Variants in PPIB observed in about 807,000 individuals in gnomAD.
PPIB encodes the protein peptidyl-prolyl cis-trans isomerase B.
Under a neutral mutation model 20.1 loss-of-function variants are expected in PPIB, and 15 were observed. The ratio of observed to expected loss-of-function variants is 0.75; its 90% CI spans 0.50 to 1.15. The LOEUF (loss-of-function observed/expected upper bound fraction) is 1.15, where lower values mean the gene tolerates loss of function less well. PPIB is among the 50% of genes most tolerant of loss of function. PPIB has a pLI of 0.00. For synonymous variants in PPIB, 129 were observed against 111.0 expected, an observed-to-expected ratio of 1.16 and a Z score of -1.02; for missense variants, 278 against 283.0, an observed-to-expected ratio of 0.98 and a Z score of 0.13.
At position 64,157,630 on chromosome 15, in the gene PPIB, C is replaced by T. The variant is rs1374742815; in HGVS notation, c.344-721G>A. The T allele has an allele frequency of 6.6e-6, 1 of 152,532 alleles. No homozygotes were observed. The highest frequency in any genetic ancestry group is 1.9e-4 in the East Asian group (1 of 5,188). 9.4% of individuals were successfully genotyped at this position (152,532 alleles called of 1,614,324 possible). A position where few individuals can be genotyped will look rare whatever the true frequency, so the allele number is the denominator to read the frequency against. ...TTCCCTATCACCCCTTGGAGACTGA[C>T]ACTGTGCATGAGGCCCCAAGAAACT... is the stretch of plus-strand genomic sequence containing the variant. On this transcript the variant is annotated intron_variant, in intron 3 of 4. Coordinates refer to ENST00000300026, the MANE Select transcript of PPIB (RefSeq NM_000942.5). This position sits in a 1 kb window ranked among gnomAD's most constrained non-coding sequence, Gnocchi z 4.2.
chr15:64,162,267 A>G (rs1596031498), intron 1 of PPIB, 113 bp from the exon 2 acceptor site: 1 of 812,700 alleles, frequency 1.2e-6, no homozygotes, highest in Non-Finnish European at 2.2e-6. Flanking sequence ...ATATTTTTAG[A>G]GAAGTGGTTC....
chr15:64,161,179 C>T lies in PPIB; in HGVS notation c.249+862G>A, dbSNP rs916315879. Among the ~76,000 whole-genome samples, 1 of 151,858 alleles carries T rather than the reference C, an allele frequency of 6.6e-6. No individual in the cohort carries two copies. Among genetic ancestry groups the T allele is most frequent in the Non-Finnish European group, 1.5e-5 (1 of 67,968 alleles). ...ATTTCGCCATGTTGGCCAGGCTGGT[C>T]TCGAACTCCTGACCTCAGGTGATCT... On this transcript the variant is annotated intron_variant, in intron 2 of 4. Coordinates refer to ENST00000300026, the MANE Select transcript of PPIB (RefSeq NM_000942.5). The surrounding 1 kb of genome is among the most constrained non-coding windows in gnomAD (Gnocchi z 4.2).
intron 1 of PPIB, among the ~76,000 whole-genome samples, chr15:64,162,651 A>T (rs2081569294): frequency 6.6e-6 from 1 of 152,066 alleles, no homozygotes; most frequent in Non-Finnish European, 1.5e-5. Flanking sequence ...GTATCCGGGG[A>T]TCCAACTAAC....
In PPIB at chr15:64,160,674, T is replaced by C. The variant is rs535043717; in HGVS notation, c.250-477A>G. On this transcript the variant is annotated intron_variant, in intron 2 of 4. Coordinates refer to ENST00000300026, the MANE Select transcript of PPIB (RefSeq NM_000942.5). The surrounding 1 kb of genome is among the most constrained non-coding windows in gnomAD (Gnocchi z 4.8). ...TATTATTATTTTTTTGAGACAGAGT[T>C]TCTCTCTTGTCACCCAGGCTGGAGT... Among the ~76,000 whole-genome samples the C allele has an allele frequency of 9.8e-5, 15 of 152,338 alleles. No homozygotes were observed. The highest frequency in any genetic ancestry group is 3.6e-4 in the African/African-American group (15 of 41,582).
At position 64,160,243 on chromosome 15, in the gene PPIB, G is replaced by C; in HGVS notation, c.250-46C>G. The C allele has an allele frequency of 6.8e-7, 1 of 1,479,952 alleles. No homozygotes were observed. The highest frequency in any genetic ancestry group is 9.5e-7 in the Non-Finnish European group (1 of 1,058,058). The allele number at this position is 1,479,952 out of a possible 1,614,324, so 91.7% of individuals were successfully genotyped here. Reference sequence around the variant, plus strand: ...GTAAGGAGGTGGTATGGGGCAGCAGGAAGACATTACATTAAATAGGCCTCA... The same window carrying C: ...GTAAGGAGGTGGTATGGGGCAGCAGCAAGACATTACATTAAATAGGCCTCA... On this transcript the variant is annotated intron_variant, in intron 2 of 4. Coordinates refer to ENST00000300026, the MANE Select transcript of PPIB (RefSeq NM_000942.5). The surrounding 1 kb of genome is among the most constrained non-coding windows in gnomAD (Gnocchi z 4.8).
rs199971446 is a variant in PPIB, at chr15:64,160,109, G to A, written c.338C>T (p.Thr113Ile). Reference protein sequence around the residue: ...QGGDFTRGDGTGGKSIYGERF... With the variant: ...QGGDFTRGDGIGGKSIYGERF... ...CCCAGAGGACCTGTGGTTACCTCCTGTGCCATCTCCCCTGGTGAAGTCTCC... is the reference window on the plus strand; with the variant it reads ...CCCAGAGGACCTGTGGTTACCTCCTATGCCATCTCCCCTGGTGAAGTCTCC... The change falls in exon 3 of 5, where the codon ACA becomes ATA. Residue 113 changes from threonine (T) to isoleucine (I), a missense_variant. Transcript: ENST00000300026. The surrounding 1 kb of genome is among the most constrained non-coding windows in gnomAD (Gnocchi z 4.8). 90 of 1,611,548 alleles carry A rather than the reference G, an allele frequency of 5.6e-5. No homozygotes were observed. The highest frequency in any genetic ancestry group is 7.6e-5 in the Non-Finnish European group (89 of 1,177,704).
chr15:64,156,648 T>G lies in PPIB; in HGVS notation c.528+77A>C. ...TCCTTTTGGGAAAGGGATGGACACATGGAGCTCCTGCCCTGGGGTCTGTGT... is the reference window on the plus strand; with the variant it reads ...TCCTTTTGGGAAAGGGATGGACACAGGGAGCTCCTGCCCTGGGGTCTGTGT... On this transcript the variant is annotated intron_variant, in intron 4 of 4. Coordinates refer to ENST00000300026, the MANE Select transcript of PPIB (RefSeq NM_000942.5). The surrounding 1 kb of genome is among the most constrained non-coding windows in gnomAD (Gnocchi z 6.4). The G allele has an allele frequency of 1.3e-6, 2 of 1,558,470 alleles. No homozygotes were observed. The highest frequency in any genetic ancestry group is 1.8e-6 in the Non-Finnish European group (2 of 1,129,716).
chr15:64,159,956 G>T lies in PPIB; in HGVS notation c.343+148C>A. 1.4e-6 allele frequency: 1 copy of T among 729,892 alleles called. No individual in the cohort carries two copies. The highest frequency in any genetic ancestry group is 2.7e-5 in the East Asian group (1 of 37,372). The allele number at this position is 729,892 out of a possible 1,614,324, so 45.2% of individuals were successfully genotyped here. A position where few individuals can be genotyped will look rare whatever the true frequency, so the allele number is the denominator to read the frequency against. ...TACTGGGTTCCCTCTTCAAAGAAGG[G>T]TGCCGCTGGTCTCAAAGTAGGTAAG... On this transcript the variant is annotated intron_variant, in intron 3 of 4. Coordinates refer to ENST00000300026, the MANE Select transcript of PPIB (RefSeq NM_000942.5). The surrounding 1 kb of genome is among the most constrained non-coding windows in gnomAD (Gnocchi z 5.1).
rs1291378444 is a variant in PPIB at position 64,161,003 on chromosome 15, C to CA, written c.250-807dup. 6.6e-6 allele frequency among the ~76,000 whole-genome samples: 1 copy of CA among 151,686 alleles called. No individual in the cohort carries two copies. The highest frequency in any genetic ancestry group is 2.4e-5 in the African/African-American group (1 of 41,238). On this transcript the variant is annotated intron_variant, in intron 2 of 4. Transcript: ENST00000300026. This position sits in a 1 kb window ranked among gnomAD's most constrained non-coding sequence, Gnocchi z 4.2. ...GAGATGGAGTTTCCCTCTTGTTGCC[C>CA]AGGCTAGAGTGCAGTGGGGCAATCT...
Position 64,160,008 on chromosome 15 carries a change from G to T in PPIB, c.343+96C>A. The T allele has an allele frequency of 1.9e-6, 2 of 1,079,898 alleles. No homozygotes were observed. The highest frequency in any genetic ancestry group is 2.9e-6 in the Non-Finnish European group (2 of 697,244). The allele number at this position is 1,079,898 out of a possible 1,614,324, so 66.9% of individuals were successfully genotyped here. A position where few individuals can be genotyped will look rare whatever the true frequency, so the allele number is the denominator to read the frequency against. On this transcript the variant is annotated intron_variant, in intron 3 of 4. Coordinates refer to ENST00000300026, the MANE Select transcript of PPIB (RefSeq NM_000942.5). This position sits in a 1 kb window ranked among gnomAD's most constrained non-coding sequence, Gnocchi z 4.8. ...AATAAGTAGGCCTGCCTCTAGAGCT[G>T]GGGAAGAAAGAGGCCTGGTCTCCCC... is the stretch of plus-strand genomic sequence containing the variant.
chr15:64,155,993 C>T lies in PPIB; in HGVS notation c.*30G>A, dbSNP rs771559275. On this transcript the variant is annotated 3_prime_UTR_variant, in exon 5 of 5. Coordinates refer to ENST00000300026, the MANE Select transcript of PPIB (RefSeq NM_000942.5). ...TGGCGGACTACAGGGCCTGCACAGA[C>T]GGTCACTCAAAGAAAGATGTCCCTG... The T allele has an allele frequency of 9.3e-6, 15 of 1,613,912 alleles. 1 individual carries two copies. Among genetic ancestry groups the T allele is most frequent in the African/African-American group, 1.3e-5 (1 of 74,924 alleles).
rs1293075535 is a variant in PPIB, at chr15:64,156,363, C to T, written c.529-218G>A. 4 of 684,786 alleles carry T rather than the reference C, an allele frequency of 5.8e-6. No homozygotes were observed. Among genetic ancestry groups the T allele is most frequent in the Non-Finnish European group, 7.6e-6 (3 of 394,372 alleles). 42.4% of individuals were successfully genotyped at this position (684,786 alleles called of 1,614,324 possible). A position where few individuals can be genotyped will look rare whatever the true frequency, so the allele number is the denominator to read the frequency against. Reference sequence around the variant, plus strand: ...GAATTTTGTTCCTTTGAAGTAAGACCCAGGTTGGGCCAAGGGTGAGGAGGA... The same window carrying T: ...GAATTTTGTTCCTTTGAAGTAAGACTCAGGTTGGGCCAAGGGTGAGGAGGA... On this transcript the variant is annotated intron_variant, in intron 4 of 4. Coordinates refer to ENST00000300026, the MANE Select transcript of PPIB (RefSeq NM_000942.5). This position sits in a 1 kb window ranked among gnomAD's most constrained non-coding sequence, Gnocchi z 6.4.
At chr15:64,162,399 A>C (rs112549894) in intron 1 of PPIB, among the ~76,000 whole-genome samples, 1 of 152,228 alleles carries the variant, frequency 6.6e-6, no homozygotes, top group African/African-American at 2.4e-5. Flanking sequence ...TATTTGCTCT[A>C]AACAGCTAAT....
rs1596031264 is a variant in PPIB at position 64,161,949 on chromosome 15, C to G, written c.249+92G>C. On this transcript the variant is annotated intron_variant, in intron 2 of 4. Coordinates refer to ENST00000300026, the MANE Select transcript of PPIB (RefSeq NM_000942.5). This position sits in a 1 kb window ranked among gnomAD's most constrained non-coding sequence, Gnocchi z 4.2. ...TCGGTGCTCAGTGAGGTCCACGCTA[C>G]AGATCGGCTGAACTCTGCAGGTCAG... 2 of 911,328 alleles carry G rather than the reference C, an allele frequency of 2.2e-6. No homozygotes were observed. Among genetic ancestry groups the G allele is most frequent in the Non-Finnish European group, 1.8e-6 (1 of 541,028 alleles). 56.5% of individuals were successfully genotyped at this position (911,328 alleles called of 1,614,324 possible).
In PPIB at chr15:64,157,048, G is replaced by A. The variant is rs1224745976; in HGVS notation, c.344-139C>T. ...TGGACTACAAGGACATAAAAGCAGCGTCCTTCCTATCTTCTGGCCTCAGAG... is the reference window on the plus strand; with the variant it reads ...TGGACTACAAGGACATAAAAGCAGCATCCTTCCTATCTTCTGGCCTCAGAG... On this transcript the variant is annotated intron_variant, in intron 3 of 4. Transcript: ENST00000300026. The surrounding 1 kb of genome is among the most constrained non-coding windows in gnomAD (Gnocchi z 4.2). 13 of 920,418 alleles carry A rather than the reference G, an allele frequency of 1.4e-5. No individual in the cohort carries two copies. Among genetic ancestry groups the A allele is most frequent in the East Asian group, 2.6e-5 (1 of 37,868 alleles). The allele number at this position is 920,418 out of a possible 1,614,324, so 57.0% of individuals were successfully genotyped here. A position where few individuals can be genotyped will look rare whatever the true frequency, so the allele number is the denominator to read the frequency against.
Position 64,162,176 on chromosome 15 carries a change from A to G in PPIB, c.136-22T>C. On this transcript the variant is annotated intron_variant, in intron 1 of 4. Transcript: ENST00000300026. ...ACACCTGAGGAAAGAGACCATTTCC[A>G]ACTTAGCTTCTTTAAAGGGGCGTTG... is the stretch of plus-strand genomic sequence containing the variant. 3 of 1,569,166 alleles carry G rather than the reference A, an allele frequency of 1.9e-6. No homozygotes were observed. In the South Asian group the frequency reaches 3.3e-5, roughly 17 times the overall value.
intron 1 of PPIB, 55 bp from the exon 2 acceptor site, chr15:64,162,209 A>AG: frequency 7.5e-7 from 1 of 1,325,632 alleles, no homozygotes; most frequent in Non-Finnish European, 1.1e-6. Context: ...TTGCTAGGGG[A>AG]GGGAAGGTAC....
Position 64,159,761 on chromosome 15 carries a change from C to T in PPIB, c.343+343G>A, listed in dbSNP as rs796120011. The stretch of plus-strand genomic sequence containing the variant: ...GCTTTGGGCATCTGACCTAGAATCG[C>T]GTACCCACATGTCTTCACTTTGCTT... On this transcript the variant is annotated intron_variant, in intron 3 of 4. Transcript: ENST00000300026. This position sits in a 1 kb window ranked among gnomAD's most constrained non-coding sequence, Gnocchi z 5.1. 4 of 398,604 alleles carry T rather than the reference C, an allele frequency of 1.0e-5. No homozygotes were observed. Among genetic ancestry groups the T allele is most frequent in the African/African-American group, 4.1e-5 (2 of 48,720 alleles). 24.7% of individuals were successfully genotyped at this position (398,604 alleles called of 1,614,324 possible).
Position 64,156,247 on chromosome 15 carries a change from G to T in PPIB, c.529-102C>A. The T allele has an allele frequency of 6.9e-7, 1 of 1,457,386 alleles. No individual in the cohort carries two copies. Among genetic ancestry groups the T allele is most frequent in the Non-Finnish European group, 9.5e-7 (1 of 1,056,910 alleles). 90.3% of individuals were successfully genotyped at this position (1,457,386 alleles called of 1,614,324 possible). A position where few individuals can be genotyped will look rare whatever the true frequency, so the allele number is the denominator to read the frequency against. On this transcript the variant is annotated intron_variant, in intron 4 of 4. Coordinates refer to ENST00000300026, the MANE Select transcript of PPIB (RefSeq NM_000942.5). This position sits in a 1 kb window ranked among gnomAD's most constrained non-coding sequence, Gnocchi z 6.4. The stretch of plus-strand genomic sequence containing the variant: ...GGCTCAGGAGGGCTAAGACCCACAA[G>T]TGATCAACAGCACACAAAACTGGAG...
Sources: gnomAD v4.1 joint callset for allele counts (sites outside exome capture counted in the v4.1 genomes callset) on GRCh38, gnomAD v4.1.1 for gene constraint, Gnocchi (gnomAD v3.1) non-coding constraint, MANE v1.5 for transcripts, NCBI Gene and HGNC (gene_info 2026-07-23, HGNC 2026-07-21) for gene names.